The following RANBP2 variants were observed in gnomAD, a reference collection of about 807,000 sequenced individuals.
RANBP2 encodes the protein E3 SUMO-protein ligase RanBP2.
A neutral mutation model predicts 303.6 loss-of-function variants in RANBP2; 57 were observed. The observed-to-expected ratio is 0.19, with a 90% CI of 0.15 to 0.23. The LOEUF (loss-of-function observed/expected upper bound fraction) is 0.23. Ranked by LOEUF, RANBP2 falls within the 10% of genes least tolerant of loss-of-function variation. RANBP2 has a pLI of 1.00. For synonymous variants in RANBP2, 1,167 were observed against 1,301.5 expected (o/e 0.90, Z 2.23); for missense variants, 3,138 against 3,780.8 (o/e 0.83, Z 4.46).
At chr2:109,289,190 C>G in the RANBP2 span, among the ~76,000 whole-genome samples, 1 of 152,162 alleles carries the variant, frequency 6.6e-6, no homozygotes, top group East Asian at 1.9e-4. Context: ...CAGAAAAAGC[C>G]CCTTTCTCTG....
At chr2:109,159,969 A>C in the RANBP2 span, among the ~76,000 whole-genome samples, 1 of 152,228 alleles carries the variant, frequency 6.6e-6, no homozygotes, top group African/African-American at 2.4e-5. Context: ...TAATAATAGA[A>C]ATAAAGTGCA....
chr2:109,402,227 G>A, the RANBP2 span, among the ~76,000 whole-genome samples: 3 of 152,344 alleles, frequency 2.0e-5, no homozygotes, highest in African/African-American at 7.2e-5. Flanking sequence ...GGCCATGTGC[G>A]TCTGACCAGG....
chr2:109,452,918 AGGAGGCTGGTCCCGGGAGGCTGG>A, the RANBP2 span, among the ~76,000 whole-genome samples: 2 of 134,294 alleles, frequency 1.5e-5, no homozygotes, highest in African/African-American at 5.8e-5. Flanking sequence ...GGCTGGTGCC[AGGAGGCTGGTCCCGGGAGGCTGG>A]TGCCGGGAGG....
At position 108,735,754 on chromosome 2, in the gene RANBP2, A is replaced by G; in HGVS notation, c.628A>G (p.Thr210Ala). The change falls in exon 5 of 29, where the codon ACC becomes GCC. Residue 210 changes from threonine to alanine, a missense_variant. Thr to Ala is a moderately conservative substitution (Grantham distance 58, BLOSUM62 0). Transcript: ENST00000283195. ...AGAATGGAATTCGTGTGTTGTACAGACCCTTAAGGTAGATAAAAGCTATTG... is the reference window on the plus strand; with the variant it reads ...AGAATGGAATTCGTGTGTTGTACAGGCCCTTAAGGTAGATAAAAGCTATTG... ...SLEWNSCVVQ[T>A]LKEYLESLQC... The G allele has an allele frequency of 6.3e-7, 1 of 1,597,560 alleles. No homozygotes were observed. The highest frequency in any genetic ancestry group is 2.2e-5 in the East Asian group (1 of 44,882).
the RANBP2 span, among the ~76,000 whole-genome samples, chr2:109,306,311 A>T: frequency 1.3e-5 from 2 of 152,112 alleles, no homozygotes; most frequent in African/African-American, 2.4e-5. Context: ...CCACCCTGCG[A>T]TGTTGTTCTG....
the RANBP2 span, among the ~76,000 whole-genome samples, chr2:109,085,363 G>A: frequency 6.6e-6 from 1 of 152,160 alleles, no homozygotes; most frequent in Non-Finnish European, 1.5e-5. Context: ...GAGTGCAGTG[G>A]CGCAATCTCG....
chr2:108,751,772 T>G lies in RANBP2; in HGVS notation c.1631+69T>G. ...TTTTACCGGGGATTTAATCCTCATG[T>G]GAAGATTTAATTTGTCATGTGACCC... On this transcript the variant is annotated intron_variant, in intron 11 of 28. Transcript: ENST00000283195. The G allele has an allele frequency of 1.9e-6, 3 of 1,611,914 alleles. No homozygotes were observed. The South Asian group carries it at 3.3e-5, about 18-fold the overall frequency.
chr2:109,500,047 G>C, the RANBP2 span, among the ~76,000 whole-genome samples: 4 of 152,124 alleles, frequency 2.6e-5, no homozygotes, highest in Admixed American at 1.3e-4. Context: ...ACATGCTGAC[G>C]TGCTCACTGA....
chr2:109,515,253 C>G, the RANBP2 span, among the ~76,000 whole-genome samples: 1 of 152,106 alleles, frequency 6.6e-6, no homozygotes, highest in Non-Finnish European at 1.5e-5. Flanking sequence ...TTGGCACACC[C>G]CTTGACGCCA....
the RANBP2 span, among the ~76,000 whole-genome samples, chr2:109,483,010 C>T: frequency 3.3e-5 from 5 of 152,146 alleles, no homozygotes; most frequent in Admixed American, 2.6e-4. Flanking sequence ...TTAATTATCT[C>T]GTTCACTTTT....
At chr2:109,579,384 CCTT>C in the RANBP2 span, among the ~76,000 whole-genome samples, 14 of 150,920 alleles carry the variant, frequency 9.3e-5, no homozygotes, top group African/African-American at 3.4e-4. Context: ...TCCAGGCCCT[CCTT>C]TTTTTTTTTT....
chr2:109,474,775 A>G, the RANBP2 span, among the ~76,000 whole-genome samples: 2 of 152,140 alleles, frequency 1.3e-5, no homozygotes, highest in East Asian at 1.9e-4. Flanking sequence ...GGCCCTGCAC[A>G]CCCTGGGACA....
chr2:109,062,572 G>A, the RANBP2 span, among the ~76,000 whole-genome samples: 1 of 152,054 alleles, frequency 6.6e-6, no homozygotes, highest in Admixed American at 6.6e-5. Context: ...GTCCCCTGAT[G>A]CCCCCTCCTG....
chr2:108,785,016 C>G lies in RANBP2; in HGVS notation c.*1115C>G, dbSNP rs1415268627. 2 of 152,152 alleles carry G rather than the reference C, an allele frequency of 1.3e-5. No individual in the cohort carries two copies. The highest frequency in any genetic ancestry group is 2.1e-4 in the South Asian group (1 of 4,822). The allele number at this position is 152,152 out of a possible 1,614,324, so 9.4% of individuals were successfully genotyped here. A position where few individuals can be genotyped will look rare whatever the true frequency, so the allele number is the denominator to read the frequency against. ...TATTGGCCTACTCAATATGGAACTA[C>G]AAAGAATCCAGGTAGAACACAAAAT... On this transcript the variant is annotated 3_prime_UTR_variant, in exon 29 of 29. Transcript: ENST00000283195.
the RANBP2 span, among the ~76,000 whole-genome samples, chr2:108,960,139 G>C: frequency 6.6e-6 from 1 of 152,196 alleles, no homozygotes; most frequent in Non-Finnish European, 1.5e-5. Context: ...GCTAAGAGGA[G>C]CGGGGTGGGG....
At chr2:108,775,607 T>C (rs1677825644) in intron 23 of RANBP2, 125 bp from the exon 24 acceptor site, 2 of 903,954 alleles carry the variant, frequency 2.2e-6, no homozygotes, top group Non-Finnish European at 3.5e-6. Flanking sequence ...AGAGATAGGG[T>C]GAAGTGTGTT....
chr2:109,693,181 A>AT, the RANBP2 span, among the ~76,000 whole-genome samples: 1 of 145,348 alleles, frequency 6.9e-6, no homozygotes, highest in Non-Finnish European at 1.5e-5. Context: ...CCTTATTTTT[A>AT]TTTTTTTATT....
At chr2:108,886,820 G>C in the RANBP2 span, among the ~76,000 whole-genome samples, 1 of 152,156 alleles carries the variant, frequency 6.6e-6, no homozygotes, top group African/African-American at 2.4e-5. Flanking sequence ...ATAGTTTGCA[G>C]ATATTTTCTA....
chr2:108,798,041 C>G, the RANBP2 span, among the ~76,000 whole-genome samples: 1 of 151,160 alleles, frequency 6.6e-6, no homozygotes, highest in African/African-American at 2.4e-5. Context: ...CTAATCTAGA[C>G]CTCGTTCTTT....
Sources: allele counts gnomAD v4.1 joint callset (sites outside exome capture counted in the v4.1 genomes callset), GRCh38; gene constraint gnomAD v4.1.1; transcripts MANE v1.5; gene names NCBI Gene and HGNC (gene_info 2026-07-23, HGNC 2026-07-21).